Variants in POLL observed in about 807,000 individuals in gnomAD.
POLL encodes DNA polymerase lambda, also known as DNA polymerase beta-2.
A neutral mutation model predicts 58.1 loss-of-function variants in POLL; 44 were observed. The observed-to-expected ratio is 0.76, with a 90% CI of 0.60 to 0.97. The LOEUF (loss-of-function observed/expected upper bound fraction) is 0.97. Among genes scored for constraint, POLL ranks in the 50% least tolerant of loss-of-function variants. The probability of loss-of-function intolerance (pLI) is 0.00; values close to 1 mark genes in which losing one functional copy is unlikely to be tolerated. For synonymous variants in POLL, 290 were observed against 283.2 expected, an observed-to-expected ratio of 1.02 and a Z score of -0.24; for missense variants, 632 against 736.8, an observed-to-expected ratio of 0.86 and a Z score of 1.65.
intron 5 of POLL, 62 bp from the exon 6 acceptor site, chr10:101,583,743 T>G: frequency 4.0e-6 from 6 of 1,493,002 alleles, no homozygotes; most frequent in Non-Finnish European, 5.6e-6. Context: ...GTAGAGCCAG[T>G]GGAAAGGAAG....
chr10:101,583,423 GATCTGGGGCAGAGCACAGCACAC>G (rs1391754094), intron 6 of POLL, 62 bp downstream of exon 6: 1 of 1,439,116 alleles, frequency 6.9e-7, no homozygotes, highest in African/African-American at 1.4e-5. Context: ...ACAGCATAGG[GATCTGGGGCAGAGCACAGCACAC>G]ATCTGGGGCA....
Position 101,587,923 on chromosome 10 carries a change from CGCCGCAGCTGCGGGGAGATGGGGCACG to C in POLL, c.-175_-149del, listed in dbSNP as rs1564882746. ...AGCCTCTCGACATGGGGGTGCTCAG[CGCCGCAGCTGCGGGGAGATGGGGCACG>C]GCCGCAGCAGGTGTGGGGAGCCCTC... On this transcript the variant is annotated 5_prime_UTR_variant, in exon 1 of 9. Transcript: ENST00000370162. The C allele has an allele frequency of 8.2e-7, 1 of 1,223,050 alleles. No homozygotes were observed. Among genetic ancestry groups the C allele is most frequent in the East Asian group, 5.6e-5 (1 of 17,946 alleles). The allele number at this position is 1,223,050 out of a possible 1,614,324, so 75.8% of individuals were successfully genotyped here. A position where few individuals can be genotyped will look rare whatever the true frequency, so the allele number is the denominator to read the frequency against.
intron 1 of POLL, 99 bp downstream of exon 1, chr10:101,587,723 C>T: frequency 8.6e-7 from 1 of 1,157,664 alleles, no homozygotes; most frequent in Non-Finnish European, 1.1e-6. Context: ...CTTCGAAGGG[C>T]TTTACCAAAT....
At position 101,588,146 on chromosome 10, in the gene POLL, T is replaced by G. The variant is rs774054699; in HGVS notation, c.-371A>C. On this transcript the variant is annotated 5_prime_UTR_variant, in exon 1 of 9. Transcript: ENST00000370162. ...CCAACCCCCAGAGTCGGTCCCCGGG[T>G]GGGGTCGACTACTGGCCAAGCTAGT... 5 of 1,516,056 alleles carry G rather than the reference T, an allele frequency of 3.3e-6. No individual in the cohort carries two copies. The highest frequency in any genetic ancestry group is 1.4e-5 in the African/African-American group (1 of 72,526). The allele number at this position is 1,516,056 out of a possible 1,614,324, so 93.9% of individuals were successfully genotyped here.
At position 101,582,886 on chromosome 10, in the gene POLL, G is replaced by A; in HGVS notation, c.1071C>T (p.Phe357=). ...KTAQMWYQQG[F]RSLEDIRSQA... ...GGCTGCGGATGTCTTCCAGACTTCGGAAGCCCTGGAAAAAAGCAGCCAGAT... is the reference window on the plus strand; with the variant it reads ...GGCTGCGGATGTCTTCCAGACTTCGAAAGCCCTGGAAAAAAGCAGCCAGAT... The change falls in exon 7 of 9, where the codon TTC becomes TTT. Residue 357 remains phenylalanine (F), a synonymous_variant. Coordinates refer to ENST00000370162, the MANE Select transcript of POLL (RefSeq NM_001174084.2). 1 of 1,614,164 alleles carries A rather than the reference G, an allele frequency of 6.2e-7. No homozygotes were observed. The highest frequency in any genetic ancestry group is 8.5e-7 in the Non-Finnish European group (1 of 1,180,036).
chr10:101,587,764 G>A, intron 1 of POLL, 58 bp downstream of exon 1: 2 of 1,189,532 alleles, frequency 1.7e-6, no homozygotes, highest in Non-Finnish European at 1.1e-6. Flanking sequence ...GGAGCTTTAG[G>A]GGATGGAGCG....
Position 101,587,244 on chromosome 10 carries a change from AC to A in POLL, c.115+1del. ...GAGGGTTCTGAGACTGGGTCAGCTC[AC>A]CTTCTGCTTCTTCTCCCTCTTCCCT... is the stretch of plus-strand genomic sequence containing the variant. On this transcript the variant is annotated splice_donor_variant, in intron 2 of 8. Coordinates refer to ENST00000370162, the MANE Select transcript of POLL (RefSeq NM_001174084.2). LOFTEE classifies it high-confidence loss of function. 2 of 1,613,862 alleles carry A rather than the reference AC, an allele frequency of 1.2e-6. No individual in the cohort carries two copies. Among genetic ancestry groups the A allele is most frequent in the South Asian group, 2.2e-5 (2 of 91,088 alleles).
At chr10:101,581,468 A>AC (rs1271615791) in intron 7 of POLL, 1 of 152,194 alleles carries the variant, frequency 6.6e-6, no homozygotes, top group East Asian at 1.9e-4. Context: ...TCCATCTCAT[A>AC]CCGGCCTCAT....
chr10:101,579,708 G>T lies in POLL; in HGVS notation c.1473C>A (p.Ile491=). ...CAAACTCGCTATAGGGCACCACGAT[G>T]ATGTCCAGGCGCCGGTGCCGCCGCC... The part of the protein sequence containing the change: ...GPGRRHRRLD[I]IVVPYSEFAC... The change falls in exon 9 of 9, where the codon ATC becomes ATA. Residue 491 remains isoleucine (I), a synonymous_variant. Coordinates refer to ENST00000370162, the MANE Select transcript of POLL (RefSeq NM_001174084.2). The surrounding 1 kb of genome is among the most constrained non-coding windows in gnomAD (Gnocchi z 4.4). 2 of 1,613,874 alleles carry T rather than the reference G, an allele frequency of 1.2e-6. No individual in the cohort carries two copies. Among genetic ancestry groups the T allele is most frequent in the Non-Finnish European group, 1.7e-6 (2 of 1,180,006 alleles).
At chr10:101,586,211 C>T in intron 2 of POLL, 55 bp from the exon 3 acceptor site, 4 of 1,484,936 alleles carry the variant, frequency 2.7e-6, no homozygotes, top group Non-Finnish European at 2.8e-6. Context: ...TTTTATCTGC[C>T]ACCCCCTGGC....
At position 101,585,392 on chromosome 10, in the gene POLL, A is replaced by T. The variant is rs770890794; in HGVS notation, c.497T>A (p.Leu166His). Reference sequence around the variant, plus strand: ...CCTGGTGGGAGGAGGAGGAGGAGAAAGGGCTGTCTGAAGCAGGGCCTCATG... The same window carrying T: ...CCTGGTGGGAGGAGGAGGAGGAGAATGGGCTGTCTGAAGCAGGGCCTCATG... ...GTHEALLQTA[L>H]SPPPPPTRPV... is the part of the protein sequence containing the mutation. Residue 166 changes from leucine (L) to histidine (H), a missense_variant, in exon 4 of 9, where the codon CTT (leucine) becomes CAT (histidine). Transcript: ENST00000370162. 4.4e-6 allele frequency: 7 copies of T among 1,608,676 alleles called. No homozygotes were observed. The highest frequency in any genetic ancestry group is 5.9e-6 in the Non-Finnish European group (7 of 1,177,524).
intron 5 of POLL, 112 bp downstream of exon 5, chr10:101,584,490 T>G (rs1445725472): frequency 4.7e-6 from 3 of 643,612 alleles, no homozygotes; most frequent in Non-Finnish European, 7.1e-6. Context: ...CTTTTTTTTC[T>G]TTTGTGCAAG....
In POLL at chr10:101,586,069, T is replaced by C. The variant is rs2134675070; in HGVS notation, c.203A>G (p.His68Arg). 6.2e-7 allele frequency: 1 copy of C among 1,614,092 alleles called. No individual in the cohort carries two copies. The highest frequency in any genetic ancestry group is 1.6e-4 in the Middle Eastern group (1 of 6,062). The change falls in exon 3 of 9, where the codon CAT becomes CGT. Residue 68 changes from histidine (H) to arginine (R), a missense_variant. Physicochemically the swap from His to Arg is conservative, Grantham distance 29. Coordinates refer to ENST00000370162, the MANE Select transcript of POLL (RefSeq NM_001174084.2). Reference sequence around the variant, plus strand: ...CTGGGCAGGGCATAGCTGGCCGCCATGCTGAACAATCTGCTTCTCAAAGAG... The same window carrying C: ...CTGGGCAGGGCATAGCTGGCCGCCACGCTGAACAATCTGCTTCTCAAAGAG... ...AELFEKQIVQ[H>R]GGQLCPAQGP...
chr10:101,586,224 C>T (rs1350998268), intron 2 of POLL, 68 bp from the exon 3 acceptor site: 38 of 1,364,468 alleles, frequency 2.8e-5, no homozygotes, highest in East Asian at 9.2e-5. Context: ...CCCCTGGCCA[C>T]GACATAACTT....
At chr10:101,583,021 C>A (rs1451365134) in intron 6 of POLL, 130 bp from the exon 7 acceptor site, 8 of 1,042,542 alleles carry the variant, frequency 7.7e-6, no homozygotes, top group Non-Finnish European at 1.0e-5. Context: ...AACCTAGGGG[C>A]AGTTGGGTCT....
rs993954041 is a variant in POLL at position 101,579,698 on chromosome 10, G to A, written c.1483C>T (p.Pro495Ser). The change falls in exon 9 of 9, where the codon CCC becomes TCC. Residue 495 changes from proline (P) to serine (S), a missense_variant. Physicochemically the swap from Pro to Ser is moderately conservative, Grantham distance 74. Transcript: ENST00000370162. This position sits in a 1 kb window ranked among gnomAD's most constrained non-coding sequence, Gnocchi z 4.4. ...AGGGCACAGGCAAACTCGCTATAGG[G>A]CACCACGATGATGTCCAGGCGCCGG... ...RHRRLDIIVV[P>S]YSEFACALLY... 1.9e-6 allele frequency: 3 copies of A among 1,613,876 alleles called. No individual in the cohort carries two copies. The highest frequency in any genetic ancestry group is 1.1e-5 in the South Asian group (1 of 91,082).
chr10:101,579,779 C>T lies in POLL; in HGVS notation c.1402G>A (p.Gly468Ser), dbSNP rs1260779850. The change falls in exon 9 of 9, where the codon GGT becomes AGT. Residue 468 changes from glycine to serine, a missense_variant. Transcript: ENST00000370162. This position sits in a 1 kb window ranked among gnomAD's most constrained non-coding sequence, Gnocchi z 4.4. ...TDDLVSQEEN[G>S]QQQKYLGVCR... Reference sequence around the variant, plus strand: ...ACCCCCAAGTACTTCTGTTGCTGACCATTCTCCTCTTGGCTCACCAAGTCA... The same window carrying T: ...ACCCCCAAGTACTTCTGTTGCTGACTATTCTCCTCTTGGCTCACCAAGTCA... 2 of 1,613,614 alleles carry T rather than the reference C, an allele frequency of 1.2e-6. No individual in the cohort carries two copies. Among genetic ancestry groups the T allele is most frequent in the Non-Finnish European group, 1.7e-6 (2 of 1,179,974 alleles).
At position 101,579,604 on chromosome 10, in the gene POLL, C is replaced by T. The variant is rs1212900910; in HGVS notation, c.1577G>A (p.Ser526Asn). 3.7e-6 allele frequency: 6 copies of T among 1,613,924 alleles called. No homozygotes were observed. The African/African-American group carries it at 4.0e-5, about 11-fold the overall frequency. ...MRALAKTKGM[S>N]LSEHALSTAV... ...AGTGCTGAGGGCATGTTCTGACAGA[C>T]TCATGCCCTTGGTTTTGGCCAGGGC... Residue 526 changes from serine (S) to asparagine (N), a missense_variant, in exon 9 of 9, where the codon AGT becomes AAT. By Grantham distance (46) the Ser-to-Asn change is conservative. Transcript: ENST00000370162. The surrounding 1 kb of genome is among the most constrained non-coding windows in gnomAD (Gnocchi z 4.4).
In POLL at chr10:101,582,761, A is replaced by G. The variant is rs2063070919; in HGVS notation, c.1194+2T>C. 1.2e-6 allele frequency: 2 copies of G among 1,613,582 alleles called. No individual in the cohort carries two copies. The highest frequency in any genetic ancestry group is 1.7e-6 in the Non-Finnish European group (2 of 1,179,612). On this transcript the variant is annotated splice_donor_variant, in intron 7 of 8. Transcript: ENST00000370162. LOFTEE classifies it high-confidence loss of function. Reference sequence around the variant, plus strand: ...CCTCACTGCTCTGGGACACCTGCTTACTGTCTGCTCAATCTCTGTAGCCTC... The same window carrying G: ...CCTCACTGCTCTGGGACACCTGCTTGCTGTCTGCTCAATCTCTGTAGCCTC...
Sources: gnomAD v4.1 joint callset for allele counts on GRCh38, gnomAD v4.1.1 for gene constraint, Gnocchi (gnomAD v3.1) non-coding constraint, MANE v1.5 for transcripts, NCBI Gene and HGNC (gene_info 2026-07-23, HGNC 2026-07-21) for gene names.